GRIN2B: variants seen among roughly 807,000 people sequenced by gnomAD.
The protein encoded by GRIN2B is glutamate ionotropic receptor NMDA type subunit 2B.
In GRIN2B, 5 loss-of-function variants were observed where a neutral mutation model predicts 114.5. That is an observed-to-expected ratio of 0.04 (90% CI 0.02 to 0.09). The LOEUF is 0.09. GRIN2B is among the 10% of genes least tolerant of loss of function. The probability of loss-of-function intolerance (pLI) is 1.00; values close to 1 mark genes in which losing one functional copy is unlikely to be tolerated. For synonymous variants in GRIN2B, 787 were observed against 745.1 expected (o/e 1.06, Z -0.92); for missense variants, 1,108 against 1,943.5 (o/e 0.57, Z 8.08).
intron 10 of GRIN2B, among the ~76,000 whole-genome samples, chr12:13,605,552 G>GACACACACACACACACACAC (rs66916614): frequency 7.7e-6 from 1 of 129,712 alleles, no homozygotes; most frequent in Non-Finnish European, 1.6e-5. Context: ...CTCTCTCTCT[G>GACACACACACACACACACAC]ACACACACAC....
At chr12:13,854,711 G>C (rs911615483) in intron 3 of GRIN2B, among the ~76,000 whole-genome samples, 1 of 152,068 alleles carries the variant, frequency 6.6e-6, no homozygotes, top group Non-Finnish European at 1.5e-5. Flanking sequence ...ATCACCTTTG[G>C]AGAGAACACC....
At chr12:13,642,044 C>G (rs536471232) in intron 5 of GRIN2B, among the ~76,000 whole-genome samples, 2 of 152,106 alleles carry the variant, frequency 1.3e-5, no homozygotes, top group Admixed American at 1.3e-4. Flanking sequence ...AAAAAATTAG[C>G]TGGGCATGGT....
chr12:13,706,218 A>G (rs1950358738), intron 4 of GRIN2B, among the ~76,000 whole-genome samples: 2 of 152,086 alleles, frequency 1.3e-5, no homozygotes, highest in South Asian at 4.1e-4. Context: ...GGTCACAGAA[A>G]TACACTGGAA....
At chr12:13,921,393 A>G (rs1866820994) in intron 2 of GRIN2B, among the ~76,000 whole-genome samples, 1 of 152,194 alleles carries the variant, frequency 6.6e-6, no homozygotes, top group Non-Finnish European at 1.5e-5. Flanking sequence ...GACAGGAGCA[A>G]GACTATATCT....
At chr12:13,853,938 G>A (rs1165105261) in intron 3 of GRIN2B, among the ~76,000 whole-genome samples, 2 of 152,220 alleles carry the variant, frequency 1.3e-5, no homozygotes, top group Admixed American at 6.5e-5. Flanking sequence ...AAATGATAAA[G>A]ACCTAGTCCT....
rs1948560919 is a variant in GRIN2B, at chr12:13,562,689, A to G, written c.*94T>C. On this transcript the variant is annotated 3_prime_UTR_variant, in exon 14 of 14. Coordinates refer to ENST00000609686, the MANE Select transcript of GRIN2B (RefSeq NM_000834.5). ...TAAAACAAGAAAGGAGCAAATGGGA[A>G]CCAAGTTCACCCCCGTCACCCTCCG... 9.4e-7 allele frequency: 1 copy of G among 1,065,172 alleles called. No individual in the cohort carries two copies. Among genetic ancestry groups the G allele is most frequent in the African/African-American group, 1.6e-5 (1 of 64,130 alleles). The allele number at this position is 1,065,172 out of a possible 1,614,324, so 66.0% of individuals were successfully genotyped here.
intron 5 of GRIN2B, among the ~76,000 whole-genome samples, chr12:13,655,408 A>G (rs1687597927): frequency 6.6e-6 from 1 of 152,198 alleles, no homozygotes; most frequent in Non-Finnish European, 1.5e-5. Context: ...AACATCAAGT[A>G]TGAGGCTTGA....
intron 10 of GRIN2B, among the ~76,000 whole-genome samples, chr12:13,607,606 C>G (rs1565474015): frequency 1.4e-5 from 2 of 145,440 alleles, no homozygotes; most frequent in Admixed American, 7.3e-5. Flanking sequence ...CCTTTTCATT[C>G]TTCTCAGACC....
intron 3 of GRIN2B, among the ~76,000 whole-genome samples, chr12:13,861,126 A>T (rs2136740978): frequency 6.6e-6 from 1 of 152,326 alleles, no homozygotes; most frequent in African/African-American, 2.4e-5. Flanking sequence ...CATGTAGTAT[A>T]ACTAATGTGT....
intron 3 of GRIN2B, among the ~76,000 whole-genome samples, chr12:13,796,342 C>G (rs1864418816): frequency 6.6e-6 from 1 of 152,174 alleles, no homozygotes; most frequent in South Asian, 2.1e-4. Context: ...GAGGCTCCAA[C>G]TGGGTCATCA....
intron 4 of GRIN2B, among the ~76,000 whole-genome samples, chr12:13,687,210 T>C (rs1240991288): frequency 6.6e-6 from 1 of 152,134 alleles, no homozygotes; most frequent in Non-Finnish European, 1.5e-5. Flanking sequence ...AAGACAAAGA[T>C]CAACAAAAAT....
chr12:13,952,595 C>T (rs1013678544), intron 2 of GRIN2B, among the ~76,000 whole-genome samples: 1 of 152,080 alleles, frequency 6.6e-6, no homozygotes, highest in South Asian at 2.1e-4. Context: ...CACTTGCCCC[C>T]GTCTTTCTTT....
intron 2 of GRIN2B, among the ~76,000 whole-genome samples, chr12:13,892,780 C>T (rs988514887): frequency 6.6e-6 from 1 of 152,208 alleles, no homozygotes; most frequent in Non-Finnish European, 1.5e-5. Context: ...ACATAAATCA[C>T]ATCGTTCCCT....
intron 4 of GRIN2B, among the ~76,000 whole-genome samples, chr12:13,736,075 G>T (rs75088786): frequency 0.041 from 5,867 of 141,614 alleles, 184 homozygotes; most frequent in Non-Finnish European, 0.065. Flanking sequence ...AATAGAAAAA[G>T]AAACATTTCT....
Position 13,564,044 on chromosome 12 carries a change from G to C in GRIN2B, c.3194C>G (p.Thr1065Ser). 1 of 1,614,266 alleles carries C rather than the reference G, an allele frequency of 6.2e-7. No individual in the cohort carries two copies. Among genetic ancestry groups the C allele is most frequent in the Non-Finnish European group, 8.5e-7 (1 of 1,180,046 alleles). ...GATGTTCCCATAGGTGACGGTGTGGGTTGAGATGTCAGAGACATCGGAGCG... is the reference window on the plus strand; with the variant it reads ...GATGTTCCCATAGGTGACGGTGTGGCTTGAGATGTCAGAGACATCGGAGCG... ...LIRSDVSDIS[T>S]HTVTYGNIEG... The change falls in exon 14 of 14, where the codon ACC (threonine) becomes AGC (serine). Residue 1065 changes from threonine (T) to serine (S), a missense_variant. By Grantham distance (58) the Thr-to-Ser change is moderately conservative (BLOSUM62 1). Coordinates refer to ENST00000609686, the MANE Select transcript of GRIN2B (RefSeq NM_000834.5). This position sits in a 1 kb window ranked among gnomAD's most constrained non-coding sequence, Gnocchi z 4.8.
chr12:13,800,394 A>G (rs1464346654), intron 3 of GRIN2B, among the ~76,000 whole-genome samples: 1 of 152,152 alleles, frequency 6.6e-6, no homozygotes, highest in Non-Finnish European at 1.5e-5. Context: ...CTTCACTGAC[A>G]GTGTTTGTTA....
intron 11 of GRIN2B, among the ~76,000 whole-genome samples, chr12:13,570,719 C>T (rs191956419): frequency 6.4e-4 from 98 of 152,172 alleles, no homozygotes; most frequent in Non-Finnish European, 4.4e-4. Flanking sequence ...TAAGACCAGG[C>T]GTAGGGGCAG....
chr12:13,831,872 A>G (rs193164726), intron 3 of GRIN2B, among the ~76,000 whole-genome samples: 1 of 152,222 alleles, frequency 6.6e-6, no homozygotes, highest in Non-Finnish European at 1.5e-5. Context: ...TACAATAAGC[A>G]GTACCCTGTG....
chr12:13,691,658 G>T (rs1950215951), intron 4 of GRIN2B, among the ~76,000 whole-genome samples: 1 of 152,128 alleles, frequency 6.6e-6, no homozygotes, highest in Non-Finnish European at 1.5e-5. Context: ...AGTGTTTGAT[G>T]TCTTCAATTA....
Sources: allele counts gnomAD v4.1 joint callset (sites outside exome capture counted in the v4.1 genomes callset), GRCh38; gene constraint gnomAD v4.1.1; non-coding constraint Gnocchi (gnomAD v3.1); transcripts MANE v1.5; gene names NCBI Gene and HGNC (gene_info 2026-07-23, HGNC 2026-07-21).